Variants in HR observed in about 807,000 individuals in gnomAD.
The protein encoded by HR is lysine-specific demethylase hairless.
A neutral mutation model predicts 128.6 loss-of-function variants in HR; 83 were observed. The ratio of observed to expected loss-of-function variants is 0.65; its 90% CI spans 0.54 to 0.77. The LOEUF (loss-of-function observed/expected upper bound fraction) is 0.77, where lower values mean the gene tolerates loss of function less well. HR is among the 30% of genes least tolerant of loss of function. The pLI is 0.00. For missense variants in HR, 1,490 were observed against 1,574.6 expected (o/e 0.95, Z 0.91); for synonymous variants, 681 against 658.2 (o/e 1.03, Z -0.53).
At chr8:22,117,283 T>C in intron 16 of HR, 1 of 486,620 alleles carries the variant, frequency 2.1e-6, no homozygotes, top group Non-Finnish European at 3.6e-6. Context: ...TTGGGCAGAC[T>C]GAATCCCTGC....
At chr8:22,125,525 G>T (rs998609250) in intron 4 of HR, 21 bp from the exon 5 acceptor site, 1 of 1,613,200 alleles carries the variant, frequency 6.2e-7, no homozygotes, top group Non-Finnish European at 8.5e-7. Flanking sequence ...GGCAGGGGGA[G>T]GTGAGCAGGG....
At position 22,115,066 on chromosome 8, in the gene HR, A is replaced by C. The variant is rs922867052; in HGVS notation, c.*634T>G. The stretch of plus-strand genomic sequence containing the variant: ...GGGCAGGGCCAACCACACTGGCAGC[A>C]GTCACAAAACAACAGACTTTAATGG... On this transcript the variant is annotated 3_prime_UTR_variant, in exon 19 of 19. Coordinates refer to ENST00000381418, the MANE Select transcript of HR (RefSeq NM_005144.5). 1.9e-5 allele frequency: 3 copies of C among 159,332 alleles called. No individual in the cohort carries two copies. The highest frequency in any genetic ancestry group is 1.8e-4 in the Admixed American group (3 of 16,350). 9.9% of individuals were successfully genotyped at this position (159,332 alleles called of 1,614,324 possible).
Position 22,127,582 on chromosome 8 carries a change from A to G in HR, c.860T>C (p.Val287Ala), listed in dbSNP as rs2131766848. The change falls in exon 3 of 19, where the codon GTT (valine) becomes GCT (alanine). Residue 287 changes from valine (V) to alanine (A), a missense_variant. Transcript: ENST00000381418. Reference sequence around the variant, plus strand: ...AGCCCAGACGTTGCCAAGAGTATGAACAAGGCCTGGGGGACAAGCGGGCCA... The same window carrying G: ...AGCCCAGACGTTGCCAAGAGTATGAGCAAGGCCTGGGGGACAAGCGGGCCA... ...TSWPACPPGL[V>A]HTLGNVWAGP... 6.2e-7 allele frequency: 1 copy of G among 1,612,704 alleles called. No individual in the cohort carries two copies. The highest frequency in any genetic ancestry group is 8.5e-7 in the Non-Finnish European group (1 of 1,179,950).
rs771495106 is a variant in HR, at chr8:22,127,292, G to T, written c.1150C>A (p.Leu384Ile). ...SHHTKLKKTW[L>I]TRHSEQFECP... ...TCAAACTGCTCCGAGTGCCGTGTGA[G>T]CCATGTCTTCTTCAGCTTGGTGTGG... The change falls in exon 3 of 19, where the codon CTC becomes ATC. Residue 384 changes from leucine to isoleucine, a missense_variant. Physicochemically the swap from Leu to Ile is conservative, Grantham distance 5. Coordinates refer to ENST00000381418, the MANE Select transcript of HR (RefSeq NM_005144.5). 25 of 1,613,234 alleles carry T rather than the reference G, an allele frequency of 1.5e-5. 1 individual carries two copies. In the African/African-American group the frequency reaches 3.2e-4, roughly 21 times the overall value.
intron 3 of HR, 41 bp downstream of exon 3, chr8:22,126,996 C>G (rs773004136): frequency 6.3e-7 from 1 of 1,578,382 alleles, no homozygotes; most frequent in Non-Finnish European, 8.6e-7. Flanking sequence ...CCCGGCTGCC[C>G]CCTCCCACGC....
intron 2 of HR, 94 bp from the exon 3 acceptor site, chr8:22,127,923 A>C (rs761940278): frequency 1.6e-6 from 2 of 1,222,588 alleles, no homozygotes; most frequent in African/African-American, 3.0e-5. Context: ...GAAGGGGAGA[A>C]TACTGAAGCC....
In HR at chr8:22,120,103, C is replaced by A; in HGVS notation, c.2846+1G>T. 6.3e-7 allele frequency: 1 copy of A among 1,584,966 alleles called. No individual in the cohort carries two copies. Among genetic ancestry groups the A allele is most frequent in the Non-Finnish European group, 8.6e-7 (1 of 1,166,350 alleles). ...GGGCTGGCCCTTGGTGACATACACA[C>A]CTGCTGGTGTCCTCATCCCCCAAAG... On this transcript the variant is annotated splice_donor_variant, in intron 13 of 18. Coordinates refer to ENST00000381418, the MANE Select transcript of HR (RefSeq NM_005144.5). LOFTEE classifies it high-confidence loss of function.
In HR at chr8:22,116,957, C is replaced by A. The variant is rs771604649; in HGVS notation, c.3296G>T (p.Arg1099Leu). The part of the protein sequence containing the change: ...YLDAGLRRRL[R>L]EEWGVSCWTL... Reference sequence around the variant, plus strand: ...CCAGCAGCTCACGCCCCACTCCTCCCGCAGGCGCCGCCGCAGCCCTGCATC... The same window carrying A: ...CCAGCAGCTCACGCCCCACTCCTCCAGCAGGCGCCGCCGCAGCCCTGCATC... The change falls in exon 17 of 19, where the codon CGG becomes CTG. Residue 1099 changes from arginine (R) to leucine (L), a missense_variant. Transcript: ENST00000381418. This position sits in a 1 kb window ranked among gnomAD's most constrained non-coding sequence, Gnocchi z 4.2. 2.7e-5 allele frequency: 42 copies of A among 1,539,438 alleles called. No homozygotes were observed. Among genetic ancestry groups the A allele is most frequent in the Non-Finnish European group, 3.4e-5 (39 of 1,147,930 alleles).
chr8:22,124,682 G>A (rs1281705037), intron 5 of HR, among the ~76,000 whole-genome samples: 2 of 152,162 alleles, frequency 1.3e-5, no homozygotes, highest in Non-Finnish European at 1.5e-5. Context: ...CAGAGGATGA[G>A]TAAGTTTTCA....
chr8:22,117,260 C>T, intron 16 of HR: 1 of 539,414 alleles, frequency 1.9e-6, no homozygotes, highest in Non-Finnish European at 3.2e-6. Context: ...GGAAGGGATT[C>T]AAGGCCCTAC....
rs1288624753 is a variant in HR, at chr8:22,116,835, T to C, written c.3378+40A>G. The C allele has an allele frequency of 1.3e-6, 2 of 1,553,124 alleles. No individual in the cohort carries two copies. The highest frequency in any genetic ancestry group is 2.7e-5 in the African/African-American group (2 of 73,672). Reference sequence around the variant, plus strand: ...GGCCTTGATTGGGTCGCTTCTGCCATCCTGATCTCCCCGCAGAGCCCCTGC... The same window carrying C: ...GGCCTTGATTGGGTCGCTTCTGCCACCCTGATCTCCCCGCAGAGCCCCTGC... On this transcript the variant is annotated intron_variant, in intron 17 of 18. Coordinates refer to ENST00000381418, the MANE Select transcript of HR (RefSeq NM_005144.5). The surrounding 1 kb of genome is among the most constrained non-coding windows in gnomAD (Gnocchi z 4.2).
chr8:22,126,360 C>T (rs148911419), intron 3 of HR, among the ~76,000 whole-genome samples: 13 of 152,340 alleles, frequency 8.5e-5, no homozygotes, highest in Non-Finnish European at 1.0e-4. Context: ...AGGCTGGAGC[C>T]GGCAGTGCCA....
chr8:22,127,784 G>C lies in HR; in HGVS notation c.658C>G (p.Pro220Ala). The C allele has an allele frequency of 6.3e-7, 1 of 1,599,478 alleles. No individual in the cohort carries two copies. Among genetic ancestry groups the C allele is most frequent in the Non-Finnish European group, 8.5e-7 (1 of 1,179,972 alleles). The change falls in exon 3 of 19, where the codon CCC becomes GCC. Residue 220 changes from proline (P) to alanine (A), a missense_variant. Coordinates refer to ENST00000381418, the MANE Select transcript of HR (RefSeq NM_005144.5). ...AACCCAGGTTCCGCAGCTGCCAAGG[G>C]CTCCTTTGCCAACCTGGGAATGCTC... ...DPSIPRLAKE[P>A]LAAAEPGLFG...
intron 3 of HR, 110 bp from the exon 4 acceptor site, chr8:22,125,842 G>T: frequency 7.8e-7 from 1 of 1,274,876 alleles, no homozygotes; most frequent in Non-Finnish European, 1.1e-6. Context: ...CCAGTTCCTC[G>T]CCCCAGGTCT....
chr8:22,127,285 C>T lies in HR; in HGVS notation c.1157G>A (p.Arg386Gln), dbSNP rs756265946. ...TGGACATTCAAACTGCTCCGAGTGCCGTGTGAGCCATGTCTTCTTCAGCTT... is the reference window on the plus strand; with the variant it reads ...TGGACATTCAAACTGCTCCGAGTGCTGTGTGAGCCATGTCTTCTTCAGCTT... ...HTKLKKTWLT[R>Q]HSEQFECPRG... Residue 386 changes from arginine (R) to glutamine (Q), a missense_variant, in exon 3 of 19, where the codon CGG (arginine) becomes CAG (glutamine). Transcript: ENST00000381418. 21 of 1,613,156 alleles carry T rather than the reference C, an allele frequency of 1.3e-5. No homozygotes were observed. Among genetic ancestry groups the T allele is most frequent in the South Asian group, 2.2e-5 (2 of 91,086 alleles).
Position 22,127,085 on chromosome 8 carries a change from A to C in HR, c.1357T>G (p.Ser453Ala). 2 of 1,611,604 alleles carry C rather than the reference A, an allele frequency of 1.2e-6. No individual in the cohort carries two copies. The highest frequency in any genetic ancestry group is 1.7e-6 in the Non-Finnish European group (2 of 1,179,400). Residue 453 changes from serine (S) to alanine (A), a missense_variant, in exon 3 of 19, where the codon TCG (serine) becomes GCG (alanine). By Grantham distance (99) the Ser-to-Ala change is moderately conservative. This residue lies in a region of HR where 1,060 missense variants were observed against 1,060.9 expected (regional missense o/e 1.00). Coordinates refer to ENST00000381418, the MANE Select transcript of HR (RefSeq NM_005144.5). ...GAGTCCACATCCTTGTTCCCTATCG[A>C]TGTGTCCCGCACCTCCTGCCAACCC... ...AGGWQEVRDTSIGNKDVDSGQ... is the reference protein window; with the variant it reads ...AGGWQEVRDTAIGNKDVDSGQ...
At chr8:22,122,633 G>A in intron 7 of HR, 25 bp from the exon 8 acceptor site, 1 of 1,580,904 alleles carries the variant, frequency 6.3e-7, no homozygotes, top group Non-Finnish European at 8.6e-7. Flanking sequence ...GGGCAGGAGA[G>A]GGAGGTTGGT....
In HR at chr8:22,128,850, C is replaced by T. The variant is rs749660674; in HGVS notation, c.321G>A (p.Pro107=). ...GGCACGCTGGCCCGCAGAATGCCAG[C>T]GGATGGGTAAGCATGGCCTCCTTCC... ...LRWKEAMLTH[P]LAFCGPACPP... Residue 107 remains proline (P), a synonymous_variant, in exon 2 of 19, where the codon CCG becomes CCA. Coordinates refer to ENST00000381418, the MANE Select transcript of HR (RefSeq NM_005144.5). 2.0e-5 allele frequency: 32 copies of T among 1,613,294 alleles called. No homozygotes were observed. The highest frequency in any genetic ancestry group is 6.7e-5 in the East Asian group (3 of 44,892).
chr8:22,126,542 G>A (rs963141571), intron 3 of HR, among the ~76,000 whole-genome samples: 1 of 152,262 alleles, frequency 6.6e-6, no homozygotes, highest in African/African-American at 2.4e-5. Context: ...GGGATTTGTG[G>A]CACACGCAGT....
Sources: allele counts gnomAD v4.1 joint callset (sites outside exome capture counted in the v4.1 genomes callset), GRCh38; gene constraint gnomAD v4.1.1; regional missense constraint gnomAD v4.1.1; non-coding constraint Gnocchi (gnomAD v3.1); transcripts MANE v1.5; gene names NCBI Gene and HGNC (gene_info 2026-07-23, HGNC 2026-07-21).